The following PROS1 variants were observed in gnomAD, a reference collection of about 807,000 sequenced individuals.
PROS1 encodes protein S.
A neutral mutation model predicts 75.9 loss-of-function variants in PROS1; 29 were observed. The observed-to-expected ratio is 0.38, with a 90% confidence interval of 0.28 to 0.52. The LOEUF (loss-of-function observed/expected upper bound fraction) is 0.52. Ranked by LOEUF, PROS1 falls within the 20% of genes least tolerant of loss-of-function variation. The pLI is 0.83. For missense variants in PROS1, 680 were observed against 810.3 expected, an observed-to-expected ratio of 0.84 and a Z score of 1.95; for synonymous variants, 245 against 280.6, an observed-to-expected ratio of 0.87 and a Z score of 1.27.
intron 1 of PROS1, among the ~76,000 whole-genome samples, chr3:93,934,001 T>A (rs1217604063): frequency 9.3e-6 from 1 of 107,750 alleles, no homozygotes; most frequent in Non-Finnish European, 1.9e-5. Flanking sequence ...AGAAAGAGAC[T>A]CTGTCTCAAA....
intron 14 of PROS1, among the ~76,000 whole-genome samples, chr3:93,876,544 G>A (rs555036778): frequency 3.7e-5 from 5 of 133,558 alleles, no homozygotes; most frequent in South Asian, 4.8e-4. Context: ...AGCCGAGATC[G>A]TGCCACTGCA....
At position 93,896,606 on chromosome 3, in the gene PROS1, T is replaced by C. The variant is rs1708504883; in HGVS notation, c.935A>G (p.Tyr312Cys). The change falls in exon 9 of 15, where the codon TAT (tyrosine) becomes TGT (cysteine). Residue 312 changes from tyrosine (Y) to cysteine (C), a missense_variant. Tyr to Cys is a radical substitution (Grantham distance 194). Coordinates refer to ENST00000394236, the MANE Select transcript of PROS1 (RefSeq NM_000313.4). ...LAEQFAGVVL[Y>C]LKFRLPEISR... The stretch of plus-strand genomic sequence containing the variant: ...GATTTCTGGCAAACGAAATTTTAAA[T>C]ATAAAACAACCCCTGCAAACTGCTC... The C allele has an allele frequency of 1.2e-5, 20 of 1,613,542 alleles. No individual in the cohort carries two copies. Among genetic ancestry groups the C allele is most frequent in the Non-Finnish European group, 1.6e-5 (19 of 1,179,570 alleles).
intron 3 of PROS1, among the ~76,000 whole-genome samples, chr3:93,922,491 T>G (rs1279337406): frequency 1.3e-5 from 2 of 152,182 alleles, no homozygotes; most frequent in Non-Finnish European, 2.9e-5. Flanking sequence ...AAATCGCATG[T>G]TTTCAAGATA....
At chr3:93,961,885 G>T (rs774978195) in intron 1 of PROS1, among the ~76,000 whole-genome samples, 6 of 152,180 alleles carry the variant, frequency 3.9e-5, no homozygotes, top group Non-Finnish European at 8.8e-5. Context: ...GTAACAGAAA[G>T]AATTCAAAAA....
chr3:93,959,356 G>T (rs1229445303), intron 1 of PROS1, among the ~76,000 whole-genome samples: 1 of 151,992 alleles, frequency 6.6e-6, no homozygotes, highest in Non-Finnish European at 1.5e-5. Context: ...AATAATAAAA[G>T]AAAGAAAAAA....
chr3:93,924,057 C>A (rs1559940150), intron 3 of PROS1, among the ~76,000 whole-genome samples, 183 bp downstream of exon 3: 1 of 152,106 alleles, frequency 6.6e-6, no homozygotes, highest in Non-Finnish European at 1.5e-5. Flanking sequence ...AATTAAAGAA[C>A]CGTTCCAAAT....
At chr3:93,914,279 A>AC (rs1708806282) in intron 3 of PROS1, among the ~76,000 whole-genome samples, 1 of 151,958 alleles carries the variant, frequency 6.6e-6, no homozygotes, top group South Asian at 2.1e-4. Flanking sequence ...TTGCCTGGAC[A>AC]CCCCCAGGCT....
At chr3:93,886,028 C>G (rs931905001) in intron 11 of PROS1, among the ~76,000 whole-genome samples, 1 of 152,080 alleles carries the variant, frequency 6.6e-6, no homozygotes, top group Admixed American at 6.6e-5. Flanking sequence ...GATGTTAACA[C>G]TGAACATTAC....
In PROS1 at chr3:93,907,036, G is replaced by A. The variant is rs376229962; in HGVS notation, c.347-893C>T. On this transcript the variant is annotated intron_variant, in intron 4 of 14. Coordinates refer to ENST00000394236, the MANE Select transcript of PROS1 (RefSeq NM_000313.4). The stretch of plus-strand genomic sequence containing the variant: ...GTGCCATGAACAGTGGCAGGAGGTA[G>A]ACAGCTTCCTAGGTGGAAAAGGGTA... Among the ~76,000 whole-genome samples the A allele has an allele frequency of 3.9e-5, 6 of 152,312 alleles. No individual in the cohort carries two copies. In the East Asian group the frequency reaches 7.7e-4, roughly 20 times the overall value.
At chr3:93,941,195 C>T (rs992446749) in intron 1 of PROS1, among the ~76,000 whole-genome samples, 2 of 152,140 alleles carry the variant, frequency 1.3e-5, no homozygotes, top group African/African-American at 4.8e-5. Context: ...CACTTCTCAC[C>T]TTATTCAATA....
intron 1 of PROS1, among the ~76,000 whole-genome samples, chr3:93,955,461 C>A (rs1342507842): frequency 6.6e-6 from 1 of 151,966 alleles, no homozygotes; most frequent in Non-Finnish European, 1.5e-5. Context: ...TCATTCTCAG[C>A]AAACTATTGC....
chr3:93,906,478 C>A (rs929701231), intron 4 of PROS1, among the ~76,000 whole-genome samples: 2 of 152,178 alleles, frequency 1.3e-5, no homozygotes, highest in African/African-American at 4.8e-5. Flanking sequence ...GCTTTCCTGT[C>A]GTGGCTCCGG....
At chr3:93,952,895 A>G (rs1709528532) in intron 1 of PROS1, among the ~76,000 whole-genome samples, 1 of 152,172 alleles carries the variant, frequency 6.6e-6, no homozygotes, top group Non-Finnish European at 1.5e-5. Flanking sequence ...GATAAAGGAG[A>G]TATCACCACC....
At chr3:93,875,535 G>A (rs757897199) in intron 14 of PROS1, among the ~76,000 whole-genome samples, 1 of 151,948 alleles carries the variant, frequency 6.6e-6, no homozygotes, top group Admixed American at 6.6e-5. Context: ...ACTAACTTGT[G>A]GATAAGGTAG....
intron 8 of PROS1, among the ~76,000 whole-genome samples, 172 bp from the exon 9 acceptor site, chr3:93,896,863 G>C (rs1708508978): frequency 6.6e-6 from 1 of 152,096 alleles, no homozygotes; most frequent in Admixed American, 6.6e-5. Context: ...CCATTTCCTT[G>C]TATAGTCTAT....
At chr3:93,914,290 G>A (rs775770563) in intron 3 of PROS1, among the ~76,000 whole-genome samples, 4 of 152,222 alleles carry the variant, frequency 2.6e-5, no homozygotes, top group African/African-American at 4.8e-5. Flanking sequence ...CCCCCAGGCT[G>A]CCCATAATAA....
At chr3:93,947,574 CTTTT>C (rs1183026392) in intron 1 of PROS1, among the ~76,000 whole-genome samples, 2 of 149,148 alleles carry the variant, frequency 1.3e-5, no homozygotes, top group South Asian at 4.3e-4. Flanking sequence ...GAGTTATTTT[CTTTT>C]TTTTTTCTGA....
In PROS1 at chr3:93,884,861, C is replaced by G; in HGVS notation, c.1359G>C (p.Trp453Cys). The G allele has an allele frequency of 6.2e-7, 1 of 1,613,250 alleles. No individual in the cohort carries two copies. The highest frequency in any genetic ancestry group is 1.7e-4 in the Middle Eastern group (1 of 6,058). Reference protein sequence around the residue: ...NPRLDGCIRSWNLMKQGASGI... With the variant: ...NPRLDGCIRSCNLMKQGASGI... ...CAGAAGCTCCTTGCTTCATCAAATT[C>G]CAGCTTCGTATACATCCATCTAGAC... The change falls in exon 12 of 15, where the codon TGG becomes TGC. Residue 453 changes from tryptophan to cysteine, a missense_variant. Physicochemically the swap from Trp to Cys is radical, Grantham distance 215. Coordinates refer to ENST00000394236, the MANE Select transcript of PROS1 (RefSeq NM_000313.4).
At chr3:93,958,147 C>T (rs1179048505) in intron 1 of PROS1, among the ~76,000 whole-genome samples, 18 of 151,548 alleles carry the variant, frequency 1.2e-4, no homozygotes, top group Admixed American at 7.2e-4. Context: ...ACCCAACCCC[C>T]CTAAATTATT....
Sources: gnomAD v4.1 joint callset for allele counts (sites outside exome capture counted in the v4.1 genomes callset) on GRCh38, gnomAD v4.1.1 for gene constraint, MANE v1.5 for transcripts, NCBI Gene and HGNC (gene_info 2026-07-23, HGNC 2026-07-21) for gene names.